The following ST3GAL3 variants were observed in gnomAD, a reference collection of about 807,000 sequenced individuals.
The protein encoded by ST3GAL3 is CMP-N-acetylneuraminate-beta-1,4-galactoside alpha-2,3-sialyltransferase.
Under a neutral mutation model 50.1 loss-of-function variants are expected in ST3GAL3, and 21 were observed. The ratio of observed to expected loss-of-function variants is 0.42; its 90% CI spans 0.30 to 0.60. The LOEUF is 0.60. Ranked by LOEUF, ST3GAL3 falls within the 20% of genes least tolerant of loss-of-function variation. The probability of loss-of-function intolerance (pLI) is 0.19; values close to 1 mark genes in which losing one functional copy is unlikely to be tolerated. For synonymous variants in ST3GAL3, 183 were observed against 190.0 expected, an observed-to-expected ratio of 0.96 and a Z score of 0.30; for missense variants, 353 against 489.4, an observed-to-expected ratio of 0.72 and a Z score of 2.63.
At chr1:43,788,588 C>T (rs2057647109) in intron 2 of ST3GAL3, among the ~76,000 whole-genome samples, 1 of 152,172 alleles carries the variant, frequency 6.6e-6, no homozygotes, top group African/African-American at 2.4e-5. Flanking sequence ...AGTCAATACC[C>T]AGAATGGATT....
At chr1:43,734,703 A>G (rs1039734601) in intron 1 of ST3GAL3, among the ~76,000 whole-genome samples, 1 of 152,158 alleles carries the variant, frequency 6.6e-6, no homozygotes, top group Non-Finnish European at 1.5e-5. Context: ...CACCTACTTT[A>G]TTGAACTTCC....
At chr1:43,767,379 G>A (rs1407940618) in intron 2 of ST3GAL3, among the ~76,000 whole-genome samples, 1 of 152,120 alleles carries the variant, frequency 6.6e-6, no homozygotes, top group Non-Finnish European at 1.5e-5. Flanking sequence ...TAGGTAATGA[G>A]TCAGGTCACA....
At chr1:43,757,069 T>G (rs1383783069) in intron 2 of ST3GAL3, among the ~76,000 whole-genome samples, 1 of 152,074 alleles carries the variant, frequency 6.6e-6, no homozygotes, top group African/African-American at 2.4e-5. Context: ...CACGCCTAGC[T>G]AACTTTTATA....
At chr1:43,878,612 G>A (rs1430255578) in intron 5 of ST3GAL3, among the ~76,000 whole-genome samples, 2 of 152,230 alleles carry the variant, frequency 1.3e-5, no homozygotes, top group African/African-American at 4.8e-5. Flanking sequence ...AACAGAGGGA[G>A]AGTAGTAGGA....
At chr1:43,743,406 G>C (rs946518378) in intron 2 of ST3GAL3, 5 of 282,450 alleles carry the variant, frequency 1.8e-5, no homozygotes, top group Non-Finnish European at 3.4e-5. Context: ...TAGTGAAGCA[G>C]CAACTGATAT....
chr1:43,824,121 G>A (rs2062459026), intron 4 of ST3GAL3, among the ~76,000 whole-genome samples: 2 of 152,282 alleles, frequency 1.3e-5, no homozygotes, highest in Middle Eastern at 3.4e-3. Flanking sequence ...TCAATCAATC[G>A]AGGACAGAAG....
intron 4 of ST3GAL3, chr1:43,824,741 A>G: frequency 6.2e-7 from 1 of 1,613,832 alleles, no homozygotes; most frequent in Non-Finnish European, 8.5e-7. Flanking sequence ...CTCACCGAGG[A>G]CTCTCTGCAC....
intron 2 of ST3GAL3, among the ~76,000 whole-genome samples, chr1:43,781,104 T>C (rs1355446328): frequency 6.6e-6 from 1 of 152,218 alleles, no homozygotes; most frequent in Admixed American, 6.5e-5. Context: ...TTTCTTGAGT[T>C]TGCTGACTTC....
intron 9 of ST3GAL3, among the ~76,000 whole-genome samples, chr1:43,906,056 C>T (rs1361081108): frequency 7.6e-5 from 8 of 105,286 alleles, no homozygotes; most frequent in South Asian, 4.3e-4. Context: ...CCCCCTCCTG[C>T]TCCTCTTCCT....
intron 4 of ST3GAL3, chr1:43,831,675 A>G (rs941628297): frequency 6.6e-6 from 1 of 152,224 alleles, no homozygotes; most frequent in African/African-American, 2.4e-5. Flanking sequence ...CTCATGCTGG[A>G]TACATCATTT....
intron 5 of ST3GAL3, among the ~76,000 whole-genome samples, chr1:43,865,825 C>T (rs183056744): frequency 9.8e-4 from 150 of 152,300 alleles, no homozygotes; most frequent in African/African-American, 3.3e-3. Context: ...TTCATTGGTT[C>T]GCTGGTGATT....
intron 1 of ST3GAL3, among the ~76,000 whole-genome samples, chr1:43,711,182 A>G (rs904138430): frequency 5.3e-5 from 8 of 152,278 alleles, no homozygotes; most frequent in Non-Finnish European, 1.2e-4. Context: ...GCGTAACAGA[A>G]CAAAACTTGA....
chr1:43,798,626 T>TCTTCCCAGA (rs1416373292), intron 3 of ST3GAL3, among the ~76,000 whole-genome samples: 32 of 152,156 alleles, frequency 2.1e-4, no homozygotes, highest in African/African-American at 7.5e-4. Context: ...CGCCAGAAGG[T>TCTTCCCAGA]CTTCCCAGAC....
chr1:43,924,840 G>A (rs1202084049), intron 11 of ST3GAL3, among the ~76,000 whole-genome samples: 13 of 152,222 alleles, frequency 8.5e-5, no homozygotes, highest in Non-Finnish European at 1.8e-4. Flanking sequence ...GCAGGAATGA[G>A]GTAGGGCACT....
At chr1:43,854,487 A>G (rs1247991634) in intron 5 of ST3GAL3, among the ~76,000 whole-genome samples, 1 of 152,056 alleles carries the variant, frequency 6.6e-6, no homozygotes, top group Non-Finnish European at 1.5e-5. Flanking sequence ...CTCAGTCTCT[A>G]TTGCAAGAGA....
chr1:43,783,747 C>G (rs1353052215), intron 2 of ST3GAL3, among the ~76,000 whole-genome samples: 1 of 152,088 alleles, frequency 6.6e-6, no homozygotes, highest in Non-Finnish European at 1.5e-5. Context: ...CCCCCACCCC[C>G]CGCAGTCTTA....
In ST3GAL3 at chr1:43,879,537, T is replaced by C. The variant is rs2074734569; in HGVS notation, c.303-14846T>C. On this transcript the variant is annotated intron_variant, in intron 5 of 11. Transcript: ENST00000347631. Reference sequence around the variant, plus strand: ...GTGGGTGAATTTAGAATATGTTTAGTGATTGTATTAACAGGACTTGCTGAT... The same window carrying C: ...GTGGGTGAATTTAGAATATGTTTAGCGATTGTATTAACAGGACTTGCTGAT... The C allele has an allele frequency of 7.5e-6, 3 of 400,704 alleles. No homozygotes were observed. The Admixed American group carries it at 8.5e-5, about 11-fold the overall frequency. 24.8% of individuals were successfully genotyped at this position (400,704 alleles called of 1,614,324 possible). A position where few individuals can be genotyped will look rare whatever the true frequency, so the allele number is the denominator to read the frequency against.
chr1:43,776,208 C>G (rs1223784506), intron 2 of ST3GAL3, among the ~76,000 whole-genome samples: 1 of 152,136 alleles, frequency 6.6e-6, no homozygotes, highest in East Asian at 1.9e-4. Context: ...CCGTCAGGGC[C>G]CATTTTCCCT....
chr1:43,760,571 C>T (rs1386728578), intron 2 of ST3GAL3, among the ~76,000 whole-genome samples: 2 of 152,162 alleles, frequency 1.3e-5, no homozygotes, highest in Non-Finnish European at 2.9e-5. Flanking sequence ...CCGGCTAACA[C>T]GGTGAAACCC....
Sources: allele counts gnomAD v4.1 joint callset (sites outside exome capture counted in the v4.1 genomes callset), GRCh38; gene constraint gnomAD v4.1.1; transcripts MANE v1.5; gene names NCBI Gene and HGNC (gene_info 2026-07-23, HGNC 2026-07-21).